The following OXR1 variants were observed in gnomAD, a reference collection of about 807,000 sequenced individuals.
OXR1 encodes oxidation resistance 1.
OXR1 carries 41 observed loss-of-function variants against 104.6 expected under a neutral mutation model. That is an observed-to-expected ratio of 0.39 (90% CI 0.31 to 0.51). The LOEUF (loss-of-function observed/expected upper bound fraction) is 0.51. Among genes scored for constraint, OXR1 ranks in the 20% least tolerant of loss-of-function variants. The pLI is 0.77. For synonymous variants in OXR1, 348 were observed against 348.4 expected (o/e 1.00, Z 0.01); for missense variants, 955 against 1,031.9 (o/e 0.93, Z 1.02).
chr8:106,448,091 G>A, intron 2 of OXR1: 1 of 1,533,206 alleles, frequency 6.5e-7, no homozygotes, highest in Non-Finnish European at 8.7e-7. Flanking sequence ...TACTTCCTGT[G>A]TTATGAAGAA....
At chr8:106,617,891 C>T in intron 3 of OXR1, 3 of 281,216 alleles carry the variant, frequency 1.1e-5, no homozygotes, top group Non-Finnish European at 1.6e-5. Context: ...TCATACAGAG[C>T]ATGTCGTCGT....
intron 11 of OXR1, among the ~76,000 whole-genome samples, chr8:106,722,793 A>G (rs1340655394): frequency 1.3e-5 from 2 of 152,214 alleles, no homozygotes; most frequent in Non-Finnish European, 2.9e-5. Context: ...TTCTCAGAAC[A>G]TATCCCTGTC....
chr8:106,625,800 C>T (rs1328314022), intron 3 of OXR1, among the ~76,000 whole-genome samples: 1 of 152,106 alleles, frequency 6.6e-6, no homozygotes, highest in Non-Finnish European at 1.5e-5. Flanking sequence ...TGTGATAGCA[C>T]TTAAAAATTC....
At chr8:106,470,423 G>A (rs762169360) in intron 2 of OXR1, among the ~76,000 whole-genome samples, 2 of 151,680 alleles carry the variant, frequency 1.3e-5, no homozygotes, top group Non-Finnish European at 2.9e-5. Flanking sequence ...GAATAAGTCC[G>A]AGTATTTTGG....
rs182240260 is a variant in OXR1, at chr8:106,394,954, G to A, written c.23+35318G>A. ...GATCTCAGGATGGAATGCAGACTGA[G>A]AAAGAAATCTAACGTTTACAAATGT... On this transcript the variant is annotated intron_variant, in intron 2 of 16. Transcript: ENST00000517566. Among the ~76,000 whole-genome samples, 4 of 103,466 alleles carry A rather than the reference G, an allele frequency of 3.9e-5. No homozygotes were observed. In the Admixed American group the frequency reaches 4.1e-4, roughly 11 times the overall value. 67.9% of individuals were successfully genotyped at this position (103,466 alleles called of 152,430 possible).
At chr8:106,474,004 T>A (rs1015596715) in intron 2 of OXR1, among the ~76,000 whole-genome samples, 2 of 125,034 alleles carry the variant, frequency 1.6e-5, no homozygotes, top group African/African-American at 6.4e-5. Context: ...ATATGTATTG[T>A]ATATTTATAC....
chr8:106,295,453 T>C (rs1812954341), intron 1 of OXR1, among the ~76,000 whole-genome samples: 1 of 152,176 alleles, frequency 6.6e-6, no homozygotes, highest in African/African-American at 2.4e-5. Context: ...ATACATATAA[T>C]AACCTCATTG....
chr8:106,315,460 A>T (rs1813890529), intron 1 of OXR1, among the ~76,000 whole-genome samples: 2 of 152,208 alleles, frequency 1.3e-5, no homozygotes, highest in African/African-American at 4.8e-5. Flanking sequence ...TCCTCCTAAC[A>T]AACTAATTTG....
At chr8:106,650,124 C>T (rs1314625765) in intron 3 of OXR1, among the ~76,000 whole-genome samples, 1 of 152,158 alleles carries the variant, frequency 6.6e-6, no homozygotes, top group African/African-American at 2.4e-5. Flanking sequence ...AATGGTATAA[C>T]TTGATAAGGT....
intron 1 of OXR1, among the ~76,000 whole-genome samples, chr8:106,322,855 A>T (rs981751588): frequency 2.0e-5 from 3 of 152,184 alleles, no homozygotes; most frequent in Admixed American, 1.3e-4. Flanking sequence ...TACAAGGAGA[A>T]TTACAAAACA....
At chr8:106,316,703 ATC>A (rs1284046446) in intron 1 of OXR1, among the ~76,000 whole-genome samples, 1 of 103,136 alleles carries the variant, frequency 9.7e-6, no homozygotes, top group African/African-American at 4.1e-5. Flanking sequence ...CTATCTATCT[ATC>A]TATCTATCTA....
At chr8:106,622,507 CCCG>C (rs1170579635) in intron 3 of OXR1, among the ~76,000 whole-genome samples, 1 of 151,516 alleles carries the variant, frequency 6.6e-6, no homozygotes, top group Admixed American at 6.6e-5. Context: ...ATATAATTCC[CCCG>C]CCATTACTCC....
chr8:106,676,001 G>C (rs3132807), intron 3 of OXR1, among the ~76,000 whole-genome samples: 44,600 of 151,914 alleles, frequency 0.29, 8,401 homozygotes, highest in African/African-American at 0.54. Context: ...ATCTAGGATA[G>C]TTAGATCTTA....
intron 3 of OXR1, among the ~76,000 whole-genome samples, chr8:106,652,537 A>G (rs1034162713): frequency 6.6e-6 from 1 of 152,094 alleles, no homozygotes; most frequent in African/African-American, 2.4e-5. Flanking sequence ...GAGTCAAATA[A>G]TAAGTCATAA....
chr8:106,702,875 G>T, intron 7 of OXR1, 31 bp from the exon 8 acceptor site: 1 of 1,550,922 alleles, frequency 6.4e-7, no homozygotes, highest in Non-Finnish European at 8.8e-7. Context: ...CAACCTTGAG[G>T]ATTAAATGTT....
At chr8:106,620,426 G>A (rs1333975603) in intron 3 of OXR1, among the ~76,000 whole-genome samples, 4 of 151,930 alleles carry the variant, frequency 2.6e-5, no homozygotes, top group Non-Finnish European at 5.9e-5. Context: ...TGTATAATAT[G>A]TTAAAGGCCA....
intron 1 of OXR1, among the ~76,000 whole-genome samples, chr8:106,311,780 G>A (rs751989814): frequency 1.5e-4 from 23 of 152,070 alleles, no homozygotes; most frequent in Non-Finnish European, 2.6e-4. Flanking sequence ...AAGTGAATTT[G>A]CTTGTTAATT....
Position 106,525,771 on chromosome 8 carries a change from C to T in OXR1, c.220+6632C>T, listed in dbSNP as rs1233506930. ...TTTCTCACCTTGTCAAGGGAATTGA[C>T]AGTCTATTTGTCCCTTTTAATCTTG... On this transcript the variant is annotated intron_variant, in intron 3 of 16. Transcript: ENST00000517566. Among the ~76,000 whole-genome samples the T allele has an allele frequency of 2.6e-5, 4 of 152,176 alleles. No homozygotes were observed. In the East Asian group the frequency reaches 7.7e-4, roughly 29 times the overall value.
chr8:106,488,250 G>A (rs1412737090), intron 2 of OXR1, among the ~76,000 whole-genome samples: 23 of 131,414 alleles, frequency 1.8e-4, no homozygotes, highest in African/African-American at 5.6e-4. Context: ...CATGTCCTTC[G>A]CCCACTTTTT....
Sources: allele counts gnomAD v4.1 joint callset (sites outside exome capture counted in the v4.1 genomes callset), GRCh38; gene constraint gnomAD v4.1.1; transcripts MANE v1.5; gene names NCBI Gene and HGNC (gene_info 2026-07-23, HGNC 2026-07-21).